The following PLXNB3 variants were observed in gnomAD, a reference collection of about 807,000 sequenced individuals.
PLXNB3 encodes the protein plexin-B3.
A neutral mutation model predicts 125.7 loss-of-function variants in PLXNB3; 80 were observed. The observed-to-expected ratio is 0.64, with a 90% CI of 0.53 to 0.77. PLXNB3 has a LOEUF of 0.77. Ranked by LOEUF, PLXNB3 falls within the 30% of genes least tolerant of loss-of-function variation. The probability of loss-of-function intolerance (pLI) is 0.00; values close to 1 mark genes in which losing one functional copy is unlikely to be tolerated. For synonymous variants in PLXNB3, 954 were observed against 783.3 expected (o/e 1.22, Z -3.64); for missense variants, 1,836 against 1,729.3 (o/e 1.06, Z -1.09).
Position 153,774,570 on chromosome X carries a change from A to G in PLXNB3, c.3829A>G (p.Arg1277Gly). The G allele has an allele frequency of 8.4e-7, 1 of 1,189,754 alleles. No homozygotes were observed. The highest frequency in any genetic ancestry group is 1.1e-6 in the Non-Finnish European group (1 of 882,933). The change falls in exon 22 of 36, where the codon AGG (arginine) becomes GGG (glycine). Residue 1277 changes from arginine (R) to glycine (G), a missense_variant and splice_region_variant. Transcript: ENST00000361971. ...AAVLLLTLMY[R>G]HKSKQALRDY... ...CGTGCTCCTCCTCACCCTCATGTAC[A>G]GGTGAGACCCGCCCACCCCCAGCAC...
Position 153,777,592 on chromosome X carries a change from C to G in PLXNB3, c.5165C>G (p.Pro1722Arg). ...QAILSVNRPI[P>R]IAVKYLFDLL... ...ATTCTCAGCGTGAACCGGCCCATCCCCATCGCCGTCAAGTACCTGTTTGAC... is the reference window on the plus strand; with the variant it reads ...ATTCTCAGCGTGAACCGGCCCATCCGCATCGCCGTCAAGTACCTGTTTGAC... Residue 1722 changes from proline (P) to arginine (R), a missense_variant, in exon 31 of 36, where the codon CCC becomes CGC. Transcript: ENST00000361971. 1 of 1,211,641 alleles carries G rather than the reference C, an allele frequency of 8.3e-7. No individual in the cohort carries two copies. Among genetic ancestry groups the G allele is most frequent in the Non-Finnish European group, 1.1e-6 (1 of 895,287 alleles).
At chrX:153,770,312 G>C (rs782675197) in intron 8 of PLXNB3, 26 bp from the exon 9 acceptor site, 2 of 1,203,319 alleles carry the variant, frequency 1.7e-6, no homozygotes, top group Non-Finnish European at 2.2e-6. Flanking sequence ...CACCTGACCT[G>C]TCCTGCCCCC....
At position 153,769,159 on chromosome X, in the gene PLXNB3, C is replaced by A; in HGVS notation, c.1396-3C>A. On this transcript the variant is annotated splice_region_variant and splice_polypyrimidine_tract_variant and intron_variant, in intron 5 of 35. Transcript: ENST00000361971. ...TTGCCTCTCTGCTCTGCTGCCCCTCCAGGTGGACCGGATACCTGTGGCAGC... is the reference window on the plus strand; with the variant it reads ...TTGCCTCTCTGCTCTGCTGCCCCTCAAGGTGGACCGGATACCTGTGGCAGC... The A allele has an allele frequency of 8.4e-7, 1 of 1,193,248 alleles. No individual in the cohort carries two copies. The highest frequency in any genetic ancestry group is 1.1e-6 in the Non-Finnish European group (1 of 885,613).
rs1557058846 is a variant in PLXNB3, at chrX:153,765,505, G to A, written c.-31G>A. On this transcript the variant is annotated 5_prime_UTR_variant, in exon 2 of 36. Transcript: ENST00000361971. ...CCCCCGCAGCCATCTCATGCCCATC[G>A]CCACTGCCCTGGGGCAGCTGAACTG... 10 of 1,179,481 alleles carry A rather than the reference G, an allele frequency of 8.5e-6. No individual in the cohort carries two copies. The highest frequency in any genetic ancestry group is 2.3e-4 in the Middle Eastern group (1 of 4,325).
intron 35 of PLXNB3, 50 bp downstream of exon 35, chrX:153,778,724 G>T: frequency 2.6e-6 from 3 of 1,141,989 alleles, no homozygotes; most frequent in South Asian, 1.9e-5. Context: ...CGGGAGGCCC[G>T]TGGACCCTCC....
rs1219183563 is a variant in PLXNB3, at chrX:153,772,888, C to T, written c.2778C>T (p.Asp926=). The T allele has an allele frequency of 4.4e-6, 5 of 1,130,079 alleles. No individual in the cohort carries two copies. Among genetic ancestry groups the T allele is most frequent in the South Asian group, 4.4e-5 (2 of 45,643 alleles). The allele number at this position is 1,130,079 out of a possible 1,213,427, so 93.1% of individuals were successfully genotyped here. A position where few individuals can be genotyped will look rare whatever the true frequency, so the allele number is the denominator to read the frequency against. Residue 926 remains aspartate, a splice_region_variant and synonymous_variant, in exon 17 of 36, where the codon GAC becomes GAT. Transcript: ENST00000361971. The part of the protein sequence containing the change: ...GISSQHFTYQ[D]PVLLSLSPRW... ...ACCCAGCCTGCGCTGTTCGCCAGGA[C>T]CCTGTCCTGCTGAGCCTGAGTCCTC...
Position 153,776,168 on chromosome X carries a change from G to T in PLXNB3, c.4683G>T (p.Lys1561Asn). The change falls in exon 27 of 36, where the codon AAG becomes AAT. Residue 1561 changes from lysine to asparagine, a missense_variant. Physicochemically the swap from Lys to Asn is moderately conservative, Grantham distance 94. Transcript: ENST00000361971. ...VKEKVLDQVY[K>N]GTPFSQRPSV... ...AGAAGGTGTTGGACCAAGTCTACAA[G>T]GGCACCCCCTTCTCCCAGAGGCCCT... 1 of 1,196,465 alleles carries T rather than the reference G, an allele frequency of 8.4e-7. No individual in the cohort carries two copies. The highest frequency in any genetic ancestry group is 1.1e-6 in the Non-Finnish European group (1 of 887,815).
Position 153,779,109 on chromosome X carries a change from A to G in PLXNB3, c.*70A>G. 1.3e-6 allele frequency: 1 copy of G among 792,877 alleles called. No homozygotes were observed. Among genetic ancestry groups the G allele is most frequent in the Non-Finnish European group, 1.8e-6 (1 of 567,087 alleles). The allele number at this position is 792,877 out of a possible 1,213,427, so 65.3% of individuals were successfully genotyped here. On this transcript the variant is annotated 3_prime_UTR_variant, in exon 36 of 36. Transcript: ENST00000361971. Reference sequence around the variant, plus strand: ...CGCCTTATGACCCCGGAACCGAGCCAGCCACTGAGGGGAGCTGGCAGAGCC... The same window carrying G: ...CGCCTTATGACCCCGGAACCGAGCCGGCCACTGAGGGGAGCTGGCAGAGCC...
chrX:153,767,546 A>T lies in PLXNB3; in HGVS notation c.719A>T (p.Asp240Val). ...YNNSYVGAFADARSAYFVFRR... is the reference protein window; with the variant it reads ...YNNSYVGAFAVARSAYFVFRR... Reference sequence around the variant, plus strand: ...AACAGCTACGTCGGGGCCTTTGCCGACGCCCGCTCCGCCTACTTCGTGTTC... The same window carrying T: ...AACAGCTACGTCGGGGCCTTTGCCGTCGCCCGCTCCGCCTACTTCGTGTTC... The change falls in exon 3 of 36, where the codon GAC becomes GTC. Residue 240 changes from aspartate to valine, a missense_variant. Asp to Val is a radical substitution (Grantham distance 152). Coordinates refer to ENST00000361971, the MANE Select transcript of PLXNB3 (RefSeq NM_005393.3). The T allele has an allele frequency of 1.7e-6, 2 of 1,173,214 alleles. No homozygotes were observed. Among genetic ancestry groups the T allele is most frequent in the East Asian group, 3.0e-5 (1 of 33,255 alleles).
At chrX:153,765,915 TCACC>T (rs1451812654) in intron 2 of PLXNB3, 2 of 752,297 alleles carry the variant, frequency 2.7e-6, no homozygotes, top group African/African-American at 4.6e-5. Context: ...CCTCGGGGGC[TCACC>T]CCGGGGTCCC....
intron 12 of PLXNB3, 85 bp downstream of exon 12, chrX:153,771,166 G>C: frequency 1.0e-6 from 1 of 954,573 alleles, no homozygotes; most frequent in Non-Finnish European, 1.5e-6. Flanking sequence ...AGCCTGCTTG[G>C]GGCCCATAAC....
In PLXNB3 at chrX:153,778,446, ACT is replaced by A; in HGVS notation, c.5528_5529del (p.Ser1843CysfsTer4). The A allele has an allele frequency of 3.3e-6, 4 of 1,210,130 alleles. No homozygotes were observed. Among genetic ancestry groups the A allele is most frequent in the Non-Finnish European group, 4.5e-6 (4 of 894,936 alleles). ...TCTCCGGCGAGCTACCAGGAGATGA[ACT>A]CTGCTTTGGCTGAGCTCTCCGGGGT... is the stretch of plus-strand genomic sequence containing the variant. On this transcript the variant is annotated frameshift_variant, in exon 34 of 36. Transcript: ENST00000361971. LOFTEE classifies it high-confidence loss of function.
Position 153,772,025 on chromosome X carries a change from T to C in PLXNB3, c.2669+10T>C, listed in dbSNP as rs782228435. On this transcript the variant is annotated intron_variant, in intron 15 of 35. Coordinates refer to ENST00000361971, the MANE Select transcript of PLXNB3 (RefSeq NM_005393.3). Reference sequence around the variant, plus strand: ...ACCGCACGTCGGCCCGGTGAGGCACTTGGAGGGTGAAGATGGGTGGGGAGG... The same window carrying C: ...ACCGCACGTCGGCCCGGTGAGGCACCTGGAGGGTGAAGATGGGTGGGGAGG... 13 of 1,179,402 alleles carry C rather than the reference T, an allele frequency of 1.1e-5. No homozygotes were observed. The Middle Eastern group carries it at 7.1e-4, about 64-fold the overall frequency.
At chrX:153,769,097 G>A (rs2091893103) in intron 5 of PLXNB3, 21 bp downstream of exon 5, 1 of 1,205,088 alleles carries the variant, frequency 8.3e-7, no homozygotes, top group African/African-American at 1.7e-5. Context: ...TCCTGGGGCT[G>A]AAGGGGCCAG....
At chrX:153,775,852 C>T (rs782742239) in intron 26 of PLXNB3, 35 bp from the exon 27 acceptor site, 3 of 1,179,865 alleles carry the variant, frequency 2.5e-6, no homozygotes, top group African/African-American at 3.5e-5. Context: ...AATCCTCCCT[C>T]GCTTGGCTGA....
chrX:153,768,136 C>A, intron 3 of PLXNB3, 113 bp from the exon 4 acceptor site: 1 of 888,349 alleles, frequency 1.1e-6, no homozygotes, highest in Non-Finnish European at 1.6e-6. Context: ...GATTGCTGGG[C>A]CTTGGGGTCA....
Position 153,774,409 on chromosome X carries a change from C to A in PLXNB3, c.3679-11C>A. The A allele has an allele frequency of 8.5e-7, 1 of 1,175,807 alleles. No homozygotes were observed. The highest frequency in any genetic ancestry group is 1.1e-6 in the Non-Finnish European group (1 of 876,075). On this transcript the variant is annotated splice_polypyrimidine_tract_variant and intron_variant, in intron 21 of 35. Transcript: ENST00000361971. ...GCCAGCATGCACTCAGGAACCCTGC[C>A]CGCCCCCCAGGTGCAGATGGGCAAT...
chrX:153,776,744 A>AAGGGCAGGGATGGGGTGGGGCAGGGT, intron 28 of PLXNB3, 143 bp from the exon 29 acceptor site: 1 of 251,823 alleles, frequency 4.0e-6, no homozygotes, highest in Non-Finnish European at 6.3e-6. Flanking sequence ...CAAGGCAGGG[A>AAGGGCAGGGATGGGGTGGGGCAGGGT]AGGGCAGGGA....
Position 153,773,940 on chromosome X carries a change from C to G in PLXNB3, c.3361C>G (p.Arg1121Gly), listed in dbSNP as rs1251959687. The change falls in exon 20 of 36, where the codon CGG becomes GGG. Residue 1121 changes from arginine to glycine, a missense_variant. Coordinates refer to ENST00000361971, the MANE Select transcript of PLXNB3 (RefSeq NM_005393.3). ...TGTACCAGACAGAGCCCACCCGCAG[C>G]GGGTCTTCTTCACCCTAGACAACGT... ...PAVPDRAHPQ[R>G]VFFTLDNVQV... 1 of 1,210,975 alleles carries G rather than the reference C, an allele frequency of 8.3e-7. No homozygotes were observed. The highest frequency in any genetic ancestry group is 1.1e-6 in the Non-Finnish European group (1 of 895,227).
Sources: gnomAD v4.1 joint callset for allele counts on GRCh38, gnomAD v4.1.1 for gene constraint, MANE v1.5 for transcripts, NCBI Gene and HGNC (gene_info 2026-07-23, HGNC 2026-07-21) for gene names.